Variants in JMY observed in about 807,000 individuals in gnomAD.
The protein encoded by JMY is junction-mediating and -regulatory protein.
In JMY, 46 loss-of-function variants were observed where a neutral mutation model predicts 103.3. That is an observed-to-expected ratio of 0.45 (90% CI 0.35 to 0.57). JMY has a LOEUF of 0.57. Among genes scored for constraint, JMY ranks in the 20% least tolerant of loss-of-function variants. The pLI is 0.00. For missense variants in JMY, 1,238 were observed against 1,255.2 expected, an observed-to-expected ratio of 0.99 and a Z score of 0.21; for synonymous variants, 526 against 489.3, an observed-to-expected ratio of 1.07 and a Z score of -0.99.
At chr5:79,272,991 C>G (rs139276226) in intron 1 of JMY, among the ~76,000 whole-genome samples, 9 of 152,272 alleles carry the variant, frequency 5.9e-5, no homozygotes, top group African/African-American at 1.9e-4. Context: ...TAACCCTGTT[C>G]TTTATGCTTT....
At chr5:79,239,809 C>CAA (rs572504314) in intron 1 of JMY, among the ~76,000 whole-genome samples, 34 of 110,240 alleles carry the variant, frequency 3.1e-4, no homozygotes, top group African/African-American at 6.8e-4. Flanking sequence ...GACTCCGTCT[C>CAA]AAAAAAAAAA....
At chr5:79,290,431 CT>C (rs1192611945) in intron 3 of JMY, among the ~76,000 whole-genome samples, 160 bp downstream of exon 3, 1 of 151,778 alleles carries the variant, frequency 6.6e-6, no homozygotes, top group African/African-American at 2.4e-5. Context: ...TCCTATCAGT[CT>C]TTTCATAGAT....
At chr5:79,257,392 C>T (rs895377929) in intron 1 of JMY, among the ~76,000 whole-genome samples, 2 of 152,052 alleles carry the variant, frequency 1.3e-5, no homozygotes, top group African/African-American at 4.8e-5. Context: ...TGCTTGAGTC[C>T]AAGAGTTCAA....
chr5:79,256,742 A>C (rs1198372327), intron 1 of JMY, among the ~76,000 whole-genome samples: 1 of 151,404 alleles, frequency 6.6e-6, no homozygotes, highest in Non-Finnish European at 1.5e-5. Context: ...CATTGTGCTG[A>C]CCTTCCTGCC....
intron 7 of JMY, among the ~76,000 whole-genome samples, chr5:79,306,990 G>A (rs111732805): frequency 2.6e-5 from 4 of 152,146 alleles, no homozygotes; most frequent in African/African-American, 4.8e-5. Context: ...CTTTACCAAT[G>A]TATAGTTGGA....
At chr5:79,243,811 T>TCACTGAAAAAGATG (rs1744809065) in intron 1 of JMY, among the ~76,000 whole-genome samples, 1 of 152,154 alleles carries the variant, frequency 6.6e-6, no homozygotes, top group South Asian at 2.1e-4. Context: ...GTTTTTTGCA[T>TCACTGAAAAAGATG]CACTGAAAAA....
chr5:79,300,690 G>T lies in JMY; in HGVS notation c.1708G>T (p.Val570Leu). Residue 570 changes from valine to leucine, a missense_variant, in exon 6 of 11, where the codon GTG (valine) becomes TTG (leucine). Coordinates refer to ENST00000396137, the MANE Select transcript of JMY (RefSeq NM_152405.5). ...KRLISEKRDE[V>L]VYYDTYESME... ...TTCTGTAACAGAAAAAAGAGATGAA[G>T]TGGTATACTATGACACTTACGAAAG... The T allele has an allele frequency of 1.3e-6, 2 of 1,596,870 alleles. No homozygotes were observed. Among genetic ancestry groups the T allele is most frequent in the Non-Finnish European group, 1.7e-6 (2 of 1,175,598 alleles).
rs564313623 is a variant in JMY at position 79,286,399 on chromosome 5, G to A, written c.1207-3722G>A. 1.4e-4 allele frequency among the ~76,000 whole-genome samples: 21 copies of A among 152,170 alleles called. No homozygotes were observed. The South Asian group carries it at 3.5e-3, about 26-fold the overall frequency. ...CTCACACCTGTAATCCCAGCACTTC[G>A]AGAGGCCGAGGTGGGCAAATCACCT... On this transcript the variant is annotated intron_variant, in intron 2 of 10. Coordinates refer to ENST00000396137, the MANE Select transcript of JMY (RefSeq NM_152405.5).
At chr5:79,298,003 C>G (rs780714528) in intron 4 of JMY, among the ~76,000 whole-genome samples, 5 of 152,182 alleles carry the variant, frequency 3.3e-5, no homozygotes, top group South Asian at 4.1e-4. Flanking sequence ...GTACTGTTCT[C>G]TTTGTGGTTG....
intron 1 of JMY, among the ~76,000 whole-genome samples, chr5:79,248,376 G>A (rs1370128095): frequency 2.6e-5 from 4 of 151,636 alleles, no homozygotes; most frequent in African/African-American, 9.7e-5. Context: ...GCACGATCTC[G>A]GCTCACTGCA....
intron 2 of JMY, among the ~76,000 whole-genome samples, chr5:79,280,982 T>C (rs944910104): frequency 6.6e-6 from 1 of 151,744 alleles, no homozygotes; most frequent in African/African-American, 2.4e-5. Flanking sequence ...GTAGTTGTTT[T>C]AAGTATTACT....
At chr5:79,300,521 G>T (rs993476871) in intron 5 of JMY, among the ~76,000 whole-genome samples, 155 bp from the exon 6 acceptor site, 1 of 152,150 alleles carries the variant, frequency 6.6e-6, no homozygotes, top group Non-Finnish European at 1.5e-5. Context: ...TTCACTCTAT[G>T]AGGTGTATTA....
At chr5:79,284,629 A>C (rs1244275391) in intron 2 of JMY, 18 of 1,552,480 alleles carry the variant, frequency 1.2e-5, no homozygotes, top group Non-Finnish European at 2.6e-6. Flanking sequence ...CATGGAAGTT[A>C]GGCAGTTTTT....
At chr5:79,278,213 A>G (rs921224490) in intron 2 of JMY, 130 bp downstream of exon 2, 3 of 773,046 alleles carry the variant, frequency 3.9e-6, no homozygotes, top group African/African-American at 3.5e-5. Context: ...TATTTCTGCA[A>G]AGTTTCTTGT....
Position 79,300,729 on chromosome 5 carries a change from C to G in JMY, c.1747C>G (p.Leu583Val). ...YDTYESMEAMLEKEEMAASAY... is the reference protein window; with the variant it reads ...YDTYESMEAMVEKEEMAASAY... ...CACTTACGAAAGCATGGAGGCCATG[C>G]TGGAGAAGGAAGAGATGGCAGCATC... is the stretch of plus-strand genomic sequence containing the variant. The change falls in exon 6 of 11, where the codon CTG (leucine) becomes GTG (valine). Residue 583 changes from leucine (L) to valine (V), a missense_variant. Physicochemically the swap from Leu to Val is conservative, Grantham distance 32. Coordinates refer to ENST00000396137, the MANE Select transcript of JMY (RefSeq NM_152405.5). 1.2e-6 allele frequency: 2 copies of G among 1,611,090 alleles called. No individual in the cohort carries two copies. The highest frequency in any genetic ancestry group is 1.7e-6 in the Non-Finnish European group (2 of 1,179,038).
chr5:79,257,674 A>G (rs1745289053), intron 1 of JMY, among the ~76,000 whole-genome samples: 1 of 152,216 alleles, frequency 6.6e-6, no homozygotes, highest in Non-Finnish European at 1.5e-5. Flanking sequence ...GACAGCTGAT[A>G]TCATCCATAA....
intron 1 of JMY, among the ~76,000 whole-genome samples, chr5:79,242,918 G>C (rs1235365388): frequency 6.6e-6 from 1 of 151,948 alleles, no homozygotes; most frequent in African/African-American, 2.4e-5. Context: ...CAAGTAGCTG[G>C]GATTACACGT....
chr5:79,308,308 G>C (rs1746947606), intron 7 of JMY, among the ~76,000 whole-genome samples: 1 of 152,168 alleles, frequency 6.6e-6, no homozygotes, highest in Non-Finnish European at 1.5e-5. Flanking sequence ...AAATCAGCTA[G>C]ATTTGCTCCT....
At chr5:79,282,973 C>T (rs1224837239) in intron 2 of JMY, among the ~76,000 whole-genome samples, 2 of 149,672 alleles carry the variant, frequency 1.3e-5, no homozygotes, top group Non-Finnish European at 3.0e-5. Context: ...CCGGTTATTT[C>T]AACAGAGAAT....
Sources: gnomAD v4.1 joint callset for allele counts (sites outside exome capture counted in the v4.1 genomes callset) on GRCh38, gnomAD v4.1.1 for gene constraint, MANE v1.5 for transcripts, NCBI Gene and HGNC (gene_info 2026-07-23, HGNC 2026-07-21) for gene names.